Variants in NOX4 observed in about 807,000 individuals in gnomAD.
The protein encoded by NOX4 is kidney oxidase-1.
NOX4 carries 69 observed loss-of-function variants against 87.6 expected under a neutral mutation model. That is an observed-to-expected ratio of 0.79 (90% confidence interval 0.65 to 0.96). The LOEUF is 0.96. Ranked by LOEUF, NOX4 falls within the 40% of genes least tolerant of loss-of-function variation. The pLI, the probability that NOX4 is intolerant of heterozygous loss-of-function variation, is 0.00. For synonymous variants in NOX4, 275 were observed against 238.2 expected, an observed-to-expected ratio of 1.15 and a Z score of -1.42; for missense variants, 680 against 681.5, an observed-to-expected ratio of 1.00 and a Z score of 0.02.
intron 6 of NOX4, among the ~76,000 whole-genome samples, chr11:89,438,360 T>TTATATAATA (rs957204943): frequency 1.8e-5 from 2 of 113,058 alleles, no homozygotes; most frequent in African/African-American, 6.9e-5. Context: ...ATACTATATA[T>TTATATAATA]TATATAATAT....
At chr11:89,373,582 C>A (rs540841317) in intron 11 of NOX4, 90 bp from the exon 12 acceptor site, 1 of 818,136 alleles carries the variant, frequency 1.2e-6, no homozygotes, top group Non-Finnish European at 2.1e-6. Context: ...ATAGCAAGTC[C>A]CCCATATCAA....
intron 3 of NOX4, 31 bp from the exon 4 acceptor site, chr11:89,449,555 T>G (rs200101770): frequency 6.5e-7 from 1 of 1,534,798 alleles, no homozygotes; most frequent in Admixed American, 1.7e-5. Flanking sequence ...ATGGTAAAAA[T>G]AATGCAACAA....
At chr11:89,368,042 C>T (rs1275415837) in intron 12 of NOX4, among the ~76,000 whole-genome samples, 1 of 152,048 alleles carries the variant, frequency 6.6e-6, no homozygotes, top group Non-Finnish European at 1.5e-5. Context: ...GAACTATATC[C>T]TAAATCTCTC....
At chr11:89,390,530 A>T (rs1030809330) in intron 11 of NOX4, among the ~76,000 whole-genome samples, 3 of 152,228 alleles carry the variant, frequency 2.0e-5, no homozygotes, top group Admixed American at 6.6e-5. Flanking sequence ...TAAGTAAAAC[A>T]TACAGAAACT....
intron 8 of NOX4, among the ~76,000 whole-genome samples, chr11:89,404,968 TAGGGTTC>T (rs1459132046): frequency 6.6e-6 from 1 of 152,052 alleles, no homozygotes; most frequent in Non-Finnish European, 1.5e-5. Context: ...AGTCAAAGCA[TAGGGTTC>T]AGAAACCTAC....
chr11:89,499,505 A>G (rs1946995383), upstream of NOX4, among the ~76,000 whole-genome samples: 1 of 152,184 alleles, frequency 6.6e-6, no homozygotes, highest in Admixed American at 6.5e-5. Flanking sequence ...TAAATAAATA[A>G]ACAAATAAAC....
At chr11:89,476,235 T>C (rs1312846344) in intron 2 of NOX4, among the ~76,000 whole-genome samples, 2 of 152,150 alleles carry the variant, frequency 1.3e-5, no homozygotes, top group Non-Finnish European at 2.9e-5. Flanking sequence ...ATATTTTTTA[T>C]TCCATTGCCT....
chr11:89,524,610 G>A, the NOX4 span, among the ~76,000 whole-genome samples: 1 of 151,954 alleles, frequency 6.6e-6, no homozygotes, highest in Non-Finnish European at 1.5e-5. Flanking sequence ...ATTCCAAGAA[G>A]AGTTAATAAA....
At chr11:89,579,385 G>T in the NOX4 span, among the ~76,000 whole-genome samples, 1 of 152,036 alleles carries the variant, frequency 6.6e-6, no homozygotes, top group East Asian at 1.9e-4. Context: ...TGATAATTGG[G>T]GAGGTTATGC....
At chr11:89,348,691 C>T (rs1400020131) in intron 13 of NOX4, among the ~76,000 whole-genome samples, 1 of 152,132 alleles carries the variant, frequency 6.6e-6, no homozygotes, top group Non-Finnish European at 1.5e-5. Context: ...TGTGCTTGCA[C>T]ATGCATGCAC....
At chr11:89,568,883 T>G in the NOX4 span, among the ~76,000 whole-genome samples, 1 of 152,190 alleles carries the variant, frequency 6.6e-6, no homozygotes, top group Middle Eastern at 3.4e-3. Flanking sequence ...ACAAACAACT[T>G]TTGACAAAGT....
chr11:89,398,696 T>C (rs1200866395), intron 11 of NOX4, among the ~76,000 whole-genome samples: 2 of 151,420 alleles, frequency 1.3e-5, no homozygotes, highest in Non-Finnish European at 2.9e-5. Flanking sequence ...ATACCATATA[T>C]ATAAAATAGT....
chr11:89,397,767 A>G (rs528940830), intron 11 of NOX4, among the ~76,000 whole-genome samples: 2 of 152,282 alleles, frequency 1.3e-5, no homozygotes, highest in African/African-American at 2.4e-5. Flanking sequence ...TAAACCAGGA[A>G]GAAGTTGAAT....
chr11:89,418,584 CACA>C (rs1225254831), intron 8 of NOX4, among the ~76,000 whole-genome samples: 1 of 151,560 alleles, frequency 6.6e-6, no homozygotes, highest in Non-Finnish European at 1.5e-5. Context: ...TCTGAAATAT[CACA>C]ACGTGAGAAA....
chr11:89,372,476 A>G (rs1939517726), intron 12 of NOX4, among the ~76,000 whole-genome samples: 1 of 151,994 alleles, frequency 6.6e-6, no homozygotes, highest in African/African-American at 2.4e-5. Flanking sequence ...TTAATTGATT[A>G]AAGACTGATT....
At chr11:89,474,688 T>A (rs1946092098) in intron 2 of NOX4, among the ~76,000 whole-genome samples, 1 of 152,008 alleles carries the variant, frequency 6.6e-6, no homozygotes, top group African/African-American at 2.4e-5. Flanking sequence ...GACATAAACA[T>A]AAATGAAAGC....
chr11:89,563,905 A>C, the NOX4 span, among the ~76,000 whole-genome samples: 4 of 152,288 alleles, frequency 2.6e-5, no homozygotes, highest in South Asian at 2.1e-4. Context: ...TTGTAAGTTC[A>C]ACTTTTCAAA....
the NOX4 span, among the ~76,000 whole-genome samples, chr11:89,524,281 G>A: frequency 6.6e-6 from 1 of 152,074 alleles, no homozygotes; most frequent in East Asian, 1.9e-4. Flanking sequence ...CATCCTTTCT[G>A]GAATAGTTTT....
chr11:89,374,965 T>C (rs1939729760), intron 11 of NOX4, among the ~76,000 whole-genome samples: 1 of 152,118 alleles, frequency 6.6e-6, no homozygotes, highest in Non-Finnish European at 1.5e-5. Flanking sequence ...AAAAGTACCA[T>C]ATCTTATGTT....
Sources: allele counts gnomAD v4.1 joint callset (sites outside exome capture counted in the v4.1 genomes callset), GRCh38; gene constraint gnomAD v4.1.1; transcripts MANE v1.5; gene names NCBI Gene and HGNC (gene_info 2026-07-23, HGNC 2026-07-21).